Variants in VPS13A observed in about 807,000 individuals in gnomAD.
VPS13A encodes intermembrane lipid transfer protein VPS13A.
A neutral mutation model predicts 390.9 loss-of-function variants in VPS13A; 264 were observed. The ratio of observed to expected loss-of-function variants is 0.68; its 90% CI spans 0.61 to 0.75. The LOEUF (loss-of-function observed/expected upper bound fraction) is 0.75. Ranked by LOEUF, VPS13A falls within the 30% of genes least tolerant of loss-of-function variation. The pLI is 0.00. For synonymous variants in VPS13A, 1,231 were observed against 1,227.1 expected (o/e 1.00, Z -0.07); for missense variants, 3,409 against 3,733.9 (o/e 0.91, Z 2.27).
At chr9:77,399,152 A>C (rs1834244147) in intron 68 of VPS13A, among the ~76,000 whole-genome samples, 1 of 138,638 alleles carries the variant, frequency 7.2e-6, no homozygotes, top group Admixed American at 7.6e-5. Context: ...ATGTACCCTA[A>C]AACTTAGAGT....
chr9:77,296,635 A>C (rs1828019167), intron 33 of VPS13A, among the ~76,000 whole-genome samples: 2 of 152,072 alleles, frequency 1.3e-5, no homozygotes, highest in African/African-American at 4.8e-5. Context: ...AAGCAGCTTT[A>C]TTGAGACATA....
At chr9:77,249,532 A>G (rs1825033807) in intron 20 of VPS13A, among the ~76,000 whole-genome samples, 1 of 152,228 alleles carries the variant, frequency 6.6e-6, no homozygotes, top group African/African-American at 2.4e-5. Context: ...ACACACATGT[A>G]TTTTTATGAG....
At chr9:77,296,785 G>A (rs933158348) in intron 33 of VPS13A, among the ~76,000 whole-genome samples, 6 of 152,150 alleles carry the variant, frequency 3.9e-5, no homozygotes, top group East Asian at 1.9e-4. Flanking sequence ...AAGCCATCTC[G>A]TCTTAGAGTT....
intron 68 of VPS13A, 92 bp downstream of exon 68, chr9:77,382,179 C>A: frequency 7.6e-7 from 1 of 1,321,678 alleles, no homozygotes; most frequent in South Asian, 1.5e-5. Flanking sequence ...ATTATTTGGG[C>A]TTTTATCTAT....
chr9:77,348,413 A>G (rs982700248), intron 52 of VPS13A, among the ~76,000 whole-genome samples: 13 of 152,152 alleles, frequency 8.5e-5, no homozygotes, highest in African/African-American at 2.9e-4. Context: ...GAGCTGAACA[A>G]TGAGAACACA....
intron 22 of VPS13A, among the ~76,000 whole-genome samples, chr9:77,253,246 A>G (rs1439756865): frequency 2.6e-5 from 4 of 152,152 alleles, no homozygotes; most frequent in African/African-American, 9.7e-5. Flanking sequence ...TTGACCATTC[A>G]TGTATTTATT....
intron 17 of VPS13A, among the ~76,000 whole-genome samples, chr9:77,229,937 T>C (rs1052476667): frequency 1.3e-5 from 2 of 152,188 alleles, no homozygotes; most frequent in African/African-American, 4.8e-5. Context: ...CTTGTTATTA[T>C]CTGTTCTTTT....
At chr9:77,215,184 G>T (rs114820893) in intron 10 of VPS13A, among the ~76,000 whole-genome samples, 3,391 of 152,202 alleles carry the variant, frequency 0.022, 118 homozygotes, top group African/African-American at 0.078. Flanking sequence ...TATGATAAGG[G>T]CACTTAATAA....
At chr9:77,251,507 T>C (rs531330660) in intron 21 of VPS13A, among the ~76,000 whole-genome samples, 5 of 152,342 alleles carry the variant, frequency 3.3e-5, no homozygotes, top group African/African-American at 1.2e-4. Context: ...AGTATGTTTT[T>C]CAGTGTGTGT....
rs1357809934 is a variant in VPS13A, at chr9:77,337,420, T to C, written c.6261T>C (p.Asn2087=). 3.7e-6 allele frequency: 6 copies of C among 1,613,164 alleles called. No individual in the cohort carries two copies. Among genetic ancestry groups the C allele is most frequent in the Non-Finnish European group, 5.1e-6 (6 of 1,179,268 alleles). The change falls in exon 47 of 72, where the codon AAT becomes AAC. Residue 2087 remains asparagine, a synonymous_variant. Transcript: ENST00000360280. ...TTAATATTGTTCCAGAAAAAGATAA[T>C]TTAACATCTCTATCAGTGTATTCAG... is the stretch of plus-strand genomic sequence containing the variant. The part of the protein sequence containing the change: ...FLINIVPEKD[N]LTSLSVYSED...
At chr9:77,344,931 A>G (rs923996737) in intron 51 of VPS13A, 78 bp from the exon 52 acceptor site, 14 of 1,480,324 alleles carry the variant, frequency 9.5e-6, no homozygotes, top group Non-Finnish European at 1.2e-5. Flanking sequence ...AGTTATGAAT[A>G]GTCTGTTCTT....
At chr9:77,339,250 TTA>T (rs1391247406) in intron 47 of VPS13A, 1 of 422,378 alleles carries the variant, frequency 2.4e-6, no homozygotes, top group Non-Finnish European at 4.2e-6. Context: ...GAGTTTCCCA[TTA>T]TGTTATTTAA....
intron 27 of VPS13A, among the ~76,000 whole-genome samples, chr9:77,280,686 A>G (rs1393028675): frequency 2.0e-5 from 3 of 152,172 alleles, no homozygotes; most frequent in East Asian, 1.9e-4. Flanking sequence ...TCTATGTACT[A>G]TGGTCTATTT....
At chr9:77,275,045 GTTTAC>G (rs1306000436) in intron 24 of VPS13A, among the ~76,000 whole-genome samples, 2 of 152,036 alleles carry the variant, frequency 1.3e-5, no homozygotes, top group Non-Finnish European at 2.9e-5. Flanking sequence ...CTTGATCTCA[GTTTAC>G]TTCATTCAGA....
Position 77,282,275 on chromosome 9 carries a change from G to A in VPS13A, c.3118+1G>A. 6.2e-7 allele frequency: 1 copy of A among 1,609,770 alleles called. No homozygotes were observed. Among genetic ancestry groups the A allele is most frequent in the Non-Finnish European group, 8.5e-7 (1 of 1,178,608 alleles). On this transcript the variant is annotated splice_donor_variant, in intron 29 of 71. Coordinates refer to ENST00000360280, the MANE Select transcript of VPS13A (RefSeq NM_033305.3). LOFTEE classifies it high-confidence loss of function. Reference sequence around the variant, plus strand: ...AAAGGAGATGTCATTAAAAAATTAGGTATGTTTTTTAAAAATTTAGCATCA... The same window carrying A: ...AAAGGAGATGTCATTAAAAAATTAGATATGTTTTTTAAAAATTTAGCATCA...
chr9:77,411,868 G>A (rs1322011173), intron 71 of VPS13A, among the ~76,000 whole-genome samples: 1 of 151,782 alleles, frequency 6.6e-6, no homozygotes, highest in Non-Finnish European at 1.5e-5. Context: ...AAGAAGAAAA[G>A]AGGGAAGAAT....
At chr9:77,359,072 A>G (rs963653018) in intron 57 of VPS13A, among the ~76,000 whole-genome samples, 3 of 152,184 alleles carry the variant, frequency 2.0e-5, no homozygotes, top group South Asian at 4.1e-4. Flanking sequence ...TGTTTTCACA[A>G]AGTTTCCCTG....
At position 77,220,007 on chromosome 9, in the gene VPS13A, T is replaced by A; in HGVS notation, c.808T>A (p.Phe270Ile). 1 of 1,613,710 alleles carries A rather than the reference T, an allele frequency of 6.2e-7. No homozygotes were observed. The highest frequency in any genetic ancestry group is 8.5e-7 in the Non-Finnish European group (1 of 1,179,722). ...AKLVMNRRSD[F>I]DFSAPKINLE... ...ACTTGTGATGAATCGCCGATCTGAT[T>A]TTGACTTTTCTGCCCCCAAAATAAA... Residue 270 changes from phenylalanine (F) to isoleucine (I), a missense_variant, in exon 11 of 72, where the codon TTT (phenylalanine) becomes ATT (isoleucine). Phe to Ile is a conservative substitution (Grantham distance 21). This residue lies in a region of VPS13A where 2,717 missense variants were observed against 2,917.4 expected (regional missense o/e 0.93). Coordinates refer to ENST00000360280, the MANE Select transcript of VPS13A (RefSeq NM_033305.3).
chr9:77,366,159 G>A (rs920504924), intron 60 of VPS13A, among the ~76,000 whole-genome samples: 12 of 152,210 alleles, frequency 7.9e-5, no homozygotes, highest in Admixed American at 2.6e-4. Flanking sequence ...TTGTAAGTCA[G>A]AAATGCATTG....
Sources: allele counts gnomAD v4.1 joint callset (sites outside exome capture counted in the v4.1 genomes callset), GRCh38; gene constraint gnomAD v4.1.1; regional missense constraint gnomAD v4.1.1; transcripts MANE v1.5; gene names NCBI Gene and HGNC (gene_info 2026-07-23, HGNC 2026-07-21).